SUN2: variants seen among roughly 807,000 people sequenced by gnomAD.
SUN2 encodes Sad1 and UNC84 domain containing 2, also known as SUN domain-containing protein 2.
In SUN2, 60 loss-of-function variants were observed where a neutral mutation model predicts 100.0. The ratio of observed to expected loss-of-function variants is 0.60; its 90% CI spans 0.49 to 0.74. SUN2 has a LOEUF of 0.74. Among genes scored for constraint, SUN2 ranks in the 30% least tolerant of loss-of-function variants. The probability of loss-of-function intolerance (pLI) is 0.00; values close to 1 mark genes in which losing one functional copy is unlikely to be tolerated. For missense variants in SUN2, 834 were observed against 954.6 expected (o/e 0.87, Z 1.66); for synonymous variants, 367 against 403.3 (o/e 0.91, Z 1.08).
Position 38,751,342 on chromosome 22 carries a change from G to T in SUN2, c.154C>A (p.Arg52Ser). ...TLKRKSSNMK[R>S]LSPAPQLGPS... ...CCCAGCTGTGGCGCTGGGGACAGGC[G>T]CTTCATGTTGCTGGATTTCCTCTTC... Residue 52 changes from arginine to serine, a missense_variant, in exon 3 of 18, where the codon CGC becomes AGC. Physicochemically the swap from Arg to Ser is moderately radical, Grantham distance 110. Coordinates refer to ENST00000689035, the MANE Select transcript of SUN2 (RefSeq NM_015374.3). 6.2e-7 allele frequency: 1 copy of T among 1,613,938 alleles called. No individual in the cohort carries two copies. The highest frequency in any genetic ancestry group is 1.1e-5 in the South Asian group (1 of 91,086).
chr22:38,755,373 C>T lies in SUN2; in HGVS notation c.-38+390G>A. ...TGTTTTAGAACTGAACAAAACGGGCCTTCCTCTGAGGCCCTGAGTTCTGAC... is the reference window on the plus strand; with the variant it reads ...TGTTTTAGAACTGAACAAAACGGGCTTTCCTCTGAGGCCCTGAGTTCTGAC... On this transcript the variant is annotated intron_variant, in intron 1 of 17. Transcript: ENST00000689035. This position sits in a 1 kb window ranked among gnomAD's most constrained non-coding sequence, Gnocchi z 5.7. 3 of 1,019,098 alleles carry T rather than the reference C, an allele frequency of 2.9e-6. No homozygotes were observed. Among genetic ancestry groups the T allele is most frequent in the Non-Finnish European group, 2.4e-6 (2 of 847,686 alleles). The allele number at this position is 1,019,098 out of a possible 1,614,324, so 63.1% of individuals were successfully genotyped here.
chr22:38,751,003 T>G lies in SUN2; in HGVS notation c.319A>C (p.Thr107Pro). 6.2e-7 allele frequency: 1 copy of G among 1,613,666 alleles called. No homozygotes were observed. The change falls in exon 4 of 18, where the codon ACG (threonine) becomes CCG (proline). Residue 107 changes from threonine (T) to proline (P), a missense_variant. Thr to Pro is a conservative substitution (Grantham distance 38). This residue lies in a region of SUN2 where 559 missense variants were observed against 597.7 expected (regional missense o/e 0.94). Coordinates refer to ENST00000689035, the MANE Select transcript of SUN2 (RefSeq NM_015374.3). The part of the protein sequence containing the change: ...EDLRVRRRRG[T>P]GGSESSRASG... ...GCCCTGCTGCTCTCTGAGCCACCCGTGCCTCTCCTCCTCCGCACCCGCAGG... is the reference window on the plus strand; with the variant it reads ...GCCCTGCTGCTCTCTGAGCCACCCGGGCCTCTCCTCCTCCGCACCCGCAGG...
Position 38,738,920 on chromosome 22 carries a change from C to G in SUN2, c.1732G>C (p.Gly578Arg). Reference protein sequence around the residue: ...ETKTALLSLFGIPLWYHSQSP... With the variant: ...ETKTALLSLFRIPLWYHSQSP... ...TGGGAGTGGTACCACAGGGGGATGC[C>G]GAAGAGGCTGAGGAGGGCCGTCTTG... The change falls in exon 15 of 18, where the codon GGC (glycine) becomes CGC (arginine). Residue 578 changes from glycine to arginine, a missense_variant. This residue lies in a region of SUN2 where 195 missense variants were observed against 280.2 expected (regional missense o/e 0.70). Coordinates refer to ENST00000689035, the MANE Select transcript of SUN2 (RefSeq NM_015374.3). This position sits in a 1 kb window ranked among gnomAD's most constrained non-coding sequence, Gnocchi z 6.6. The G allele has an allele frequency of 6.2e-7, 1 of 1,612,232 alleles. No individual in the cohort carries two copies. Among genetic ancestry groups the G allele is most frequent in the East Asian group, 2.2e-5 (1 of 44,808 alleles).
Position 38,739,487 on chromosome 22 carries a change from C to G in SUN2, c.1579-61G>C. ...GAGCAGACGTGTCCCCCTGTCACCT[C>G]GTGGCCGTGGGCCAAGGACCCATGG... On this transcript the variant is annotated intron_variant, in intron 13 of 17. Transcript: ENST00000689035. This position sits in a 1 kb window ranked among gnomAD's most constrained non-coding sequence, Gnocchi z 6.7. 1 of 1,581,614 alleles carries G rather than the reference C, an allele frequency of 6.3e-7. No homozygotes were observed.
rs1410914871 is a variant in SUN2, at chr22:38,739,760, TCAGGCTCAGGGAGGCCGC to T, written c.1522_1539del (p.Ala508_Leu513del). On this transcript the variant is annotated inframe_deletion, in exon 13 of 18. Coordinates refer to ENST00000689035, the MANE Select transcript of SUN2 (RefSeq NM_015374.3). This position sits in a 1 kb window ranked among gnomAD's most constrained non-coding sequence, Gnocchi z 6.7. ...CCAATCACACCTTCTTTCTGCAGCGTCAGGCTCAGGGAGGCCGCGGCTTCCCTGGCCGACTTGCCCTGC... is the reference window on the plus strand; with the variant it reads ...CCAATCACACCTTCTTTCTGCAGCGTGGCTTCCCTGGCCGACTTGCCCTGC... The T allele has an allele frequency of 6.2e-7, 1 of 1,613,530 alleles. No individual in the cohort carries two copies. Among genetic ancestry groups the T allele is most frequent in the Non-Finnish European group, 8.5e-7 (1 of 1,180,014 alleles).
In SUN2 at chr22:38,740,799, G is replaced by A. The variant is rs996298409; in HGVS notation, c.1190+208C>T. 12 of 609,908 alleles carry A rather than the reference G, an allele frequency of 2.0e-5. No homozygotes were observed. Among genetic ancestry groups the A allele is most frequent in the Middle Eastern group, 4.4e-4 (1 of 2,260 alleles). The allele number at this position is 609,908 out of a possible 1,614,324, so 37.8% of individuals were successfully genotyped here. A position where few individuals can be genotyped will look rare whatever the true frequency, so the allele number is the denominator to read the frequency against. ...GGTCCTCTCACACAGCCTGCCCCCC[G>A]CCCTCAGGACCCCCCTGCTAACCTC... On this transcript the variant is annotated intron_variant, in intron 11 of 17. Coordinates refer to ENST00000689035, the MANE Select transcript of SUN2 (RefSeq NM_015374.3). The surrounding 1 kb of genome is among the most constrained non-coding windows in gnomAD (Gnocchi z 4.8).
At position 38,745,824 on chromosome 22, in the gene SUN2, G is replaced by C. The variant is rs2092899786; in HGVS notation, c.686-13C>G. The C allele has an allele frequency of 6.2e-7, 1 of 1,612,866 alleles. No individual in the cohort carries two copies. On this transcript the variant is annotated splice_polypyrimidine_tract_variant and intron_variant, in intron 7 of 17. Coordinates refer to ENST00000689035, the MANE Select transcript of SUN2 (RefSeq NM_015374.3). ...AAATACCAAGCACCTGTGCACAGGG[G>C]AGAGGGTGTTACCCCAGCTGGGCCT...
At chr22:38,752,720 C>G in intron 1 of SUN2, 55 bp from the exon 2 acceptor site, 1 of 1,540,298 alleles carries the variant, frequency 6.5e-7, no homozygotes, top group Non-Finnish European at 8.8e-7. Context: ...TCCCCAGCTC[C>G]TCTCTAGAGG....
chr22:38,742,707 G>T, intron 8 of SUN2, 152 bp from the exon 9 acceptor site: 2 of 1,024,568 alleles, frequency 2.0e-6, no homozygotes, highest in Non-Finnish European at 2.7e-6. Flanking sequence ...GGAGCTCGTG[G>T]GCAGGGGCTG....
intron 1 of SUN2, chr22:38,754,843 C>G (rs1204144269): frequency 1.6e-6 from 2 of 1,288,430 alleles, no homozygotes; most frequent in Non-Finnish European, 2.0e-6. Flanking sequence ...CCCAGAACTC[C>G]CAGAGATGCC....
In SUN2 at chr22:38,737,910, C is replaced by A. The variant is rs1321710613; in HGVS notation, c.2040+263G>T. ...CGGCCTTCCTTTCCTGGCCACCCAA[C>A]CCCTCTTGTGTAAAGCCCACCTCCT... is the stretch of plus-strand genomic sequence containing the variant. On this transcript the variant is annotated intron_variant, in intron 17 of 17. Transcript: ENST00000689035. This position sits in a 1 kb window ranked among gnomAD's most constrained non-coding sequence, Gnocchi z 4.1. 1 of 658,994 alleles carries A rather than the reference C, an allele frequency of 1.5e-6. No individual in the cohort carries two copies. The highest frequency in any genetic ancestry group is 2.9e-6 in the Non-Finnish European group (1 of 348,446). 40.8% of individuals were successfully genotyped at this position (658,994 alleles called of 1,614,324 possible).
intron 1 of SUN2, among the ~76,000 whole-genome samples, chr22:38,753,733 A>G (rs2092965587): frequency 1.3e-5 from 2 of 152,124 alleles, no homozygotes; most frequent in Admixed American, 1.3e-4. Context: ...GGTAGGTATC[A>G]TTACTCCCAT....
At position 38,738,236 on chromosome 22, in the gene SUN2, C is replaced by T; in HGVS notation, c.1977G>A (p.Gly659=). ...CGTAAGTGAACTTGCCAAGGAGTGT[C>T]CCCTCCTGCTGCAGGTCTTCGTCAA... ...FGFDEDLQQE[G]TLLGKFTYDQ... is the part of the protein sequence containing the mutation. Residue 659 remains glycine (G), a synonymous_variant, in exon 17 of 18, where the codon GGG becomes GGA. Coordinates refer to ENST00000689035, the MANE Select transcript of SUN2 (RefSeq NM_015374.3). This position sits in a 1 kb window ranked among gnomAD's most constrained non-coding sequence, Gnocchi z 6.6. 1 of 1,613,894 alleles carries T rather than the reference C, an allele frequency of 6.2e-7. No homozygotes were observed. Among genetic ancestry groups the T allele is most frequent in the Non-Finnish European group, 8.5e-7 (1 of 1,179,972 alleles).
At chr22:38,742,157 A>G (rs2092863597) in intron 9 of SUN2, 144 bp downstream of exon 9, 2 of 1,129,492 alleles carry the variant, frequency 1.8e-6, no homozygotes, top group Admixed American at 3.0e-5. Context: ...AGAAAAAAAA[A>G]AAAGAAAAAA....
At position 38,737,964 on chromosome 22, in the gene SUN2, T is replaced by C. The variant is rs1475794547; in HGVS notation, c.2040+209A>G. 5 of 702,630 alleles carry C rather than the reference T, an allele frequency of 7.1e-6. No homozygotes were observed. The highest frequency in any genetic ancestry group is 5.3e-5 in the African/African-American group (3 of 56,898). The allele number at this position is 702,630 out of a possible 1,614,324, so 43.5% of individuals were successfully genotyped here. On this transcript the variant is annotated intron_variant, in intron 17 of 17. Coordinates refer to ENST00000689035, the MANE Select transcript of SUN2 (RefSeq NM_015374.3). This position sits in a 1 kb window ranked among gnomAD's most constrained non-coding sequence, Gnocchi z 4.1. ...GTCCTTTTCCAGGAAGCTTCCCTCA[T>C]GCTGCCCTTCTGGAAGGTGCCTTCC... is the stretch of plus-strand genomic sequence containing the variant.
In SUN2 at chr22:38,738,838, C is replaced by T. The variant is rs765649241; in HGVS notation, c.1779+35G>A. On this transcript the variant is annotated intron_variant, in intron 15 of 17. Transcript: ENST00000689035. The surrounding 1 kb of genome is among the most constrained non-coding windows in gnomAD (Gnocchi z 6.6). The stretch of plus-strand genomic sequence containing the variant: ...AGATGGGACCAGCCCTCAGTGTGCT[C>T]AGAGCCCCCGCTGCTGTGCTTGCCA... The T allele has an allele frequency of 1.9e-5, 31 of 1,595,192 alleles. No homozygotes were observed. The highest frequency in any genetic ancestry group is 2.5e-5 in the Non-Finnish European group (29 of 1,168,136).
At chr22:38,749,911 G>T (rs372129329) in intron 5 of SUN2, 52 bp from the exon 6 acceptor site, 763 of 1,537,480 alleles carry the variant, frequency 5.0e-4, no homozygotes, top group Non-Finnish European at 6.1e-4. Context: ...TGGGGGCACC[G>T]CTCCTTTGTC....
At chr22:38,750,104 A>G (rs2092932988) in intron 5 of SUN2, 121 bp downstream of exon 5, 2 of 1,443,506 alleles carry the variant, frequency 1.4e-6, no homozygotes, top group Non-Finnish European at 1.9e-6. Context: ...TTATTCTAGA[A>G]TGACCTTTCC....
intron 7 of SUN2, among the ~76,000 whole-genome samples, chr22:38,746,318 AAGAG>A (rs1402350922): frequency 6.6e-5 from 10 of 152,114 alleles, no homozygotes; most frequent in Admixed American, 6.5e-4. Flanking sequence ...CACCCCCTCT[AAGAG>A]AGGCTGCTCG....
Sources: gnomAD v4.1 joint callset for allele counts (sites outside exome capture counted in the v4.1 genomes callset) on GRCh38, gnomAD v4.1.1 for gene constraint, gnomAD v4.1.1 regional missense constraint, Gnocchi (gnomAD v3.1) non-coding constraint, MANE v1.5 for transcripts, NCBI Gene and HGNC (gene_info 2026-07-23, HGNC 2026-07-21) for gene names.